Variants in SMAD5 observed in about 807,000 individuals in gnomAD.
SMAD5 encodes the protein SMAD family member 5.
SMAD5 carries 9 observed loss-of-function variants against 43.1 expected under a neutral mutation model. The ratio of observed to expected loss-of-function variants is 0.21; its 90% CI spans 0.13 to 0.36. The LOEUF (loss-of-function observed/expected upper bound fraction) is 0.36, where lower values mean the gene tolerates loss of function less well. SMAD5 is among the 10% of genes least tolerant of loss of function. The pLI is 1.00. For synonymous variants in SMAD5, 190 were observed against 192.4 expected (o/e 0.99, Z 0.10); for missense variants, 348 against 574.0 (o/e 0.61, Z 4.02).
intron 1 of SMAD5, among the ~76,000 whole-genome samples, chr5:136,135,095 A>G (rs1482799839): frequency 2.0e-5 from 3 of 152,220 alleles, no homozygotes; most frequent in African/African-American, 7.2e-5. Flanking sequence ...CGCCACAGAA[A>G]TGGGTAGATT....
chr5:136,159,490 G>A (rs377518997), intron 3 of SMAD5, among the ~76,000 whole-genome samples: 8 of 151,598 alleles, frequency 5.3e-5, no homozygotes, highest in African/African-American at 1.7e-4. Flanking sequence ...TTTAAAAATC[G>A]TGCATAGATA....
intron 7 of SMAD5, among the ~76,000 whole-genome samples, chr5:136,175,268 G>T (rs1240431296): frequency 6.6e-6 from 1 of 152,124 alleles, no homozygotes; most frequent in East Asian, 1.9e-4. Flanking sequence ...TGAGATTTGG[G>T]TGAGGACACA....
chr5:136,150,077 A>G (rs1211270318), intron 2 of SMAD5, among the ~76,000 whole-genome samples: 1 of 151,890 alleles, frequency 6.6e-6, no homozygotes, highest in African/African-American at 2.4e-5. Flanking sequence ...GTAACTCACT[A>G]TCAGGAAACT....
chr5:136,151,811 T>G (rs1753476440), intron 2 of SMAD5, among the ~76,000 whole-genome samples: 1 of 152,064 alleles, frequency 6.6e-6, no homozygotes, highest in Non-Finnish European at 1.5e-5. Context: ...TATATTTTTT[T>G]GTTTGTGTGC....
At position 136,176,846 on chromosome 5, in the gene SMAD5, T is replaced by C. The variant is rs1200917879; in HGVS notation, c.1255-491T>C. On this transcript the variant is annotated intron_variant, in intron 7 of 7. Coordinates refer to ENST00000545279, the MANE Select transcript of SMAD5 (RefSeq NM_005903.7). ...TAAGAGAAAATGGTATTTATAAATA[T>C]TTGCAGGCAGATTCTTTGGGGCTAT... is the stretch of plus-strand genomic sequence containing the variant. Among the ~76,000 whole-genome samples, 5 of 152,210 alleles carry C rather than the reference T, an allele frequency of 3.3e-5. No homozygotes were observed. In the East Asian group the frequency reaches 9.6e-4, roughly 29 times the overall value.
At position 136,181,712 on chromosome 5, in the gene SMAD5, T is replaced by C. The variant is rs1754633929; in HGVS notation, c.*4232T>C. On this transcript the variant is annotated 3_prime_UTR_variant, in exon 8 of 8. Transcript: ENST00000545279. ...GGAAAGTTCTTTGGAATTCGCTGAA[T>C]TACAGTTTAGTATGTCCTGATTACA... is the stretch of plus-strand genomic sequence containing the variant. 1 of 152,196 alleles carries C rather than the reference T, an allele frequency of 6.6e-6. No individual in the cohort carries two copies. Among genetic ancestry groups the C allele is most frequent in the Non-Finnish European group, 1.5e-5 (1 of 68,008 alleles). 9.4% of individuals were successfully genotyped at this position (152,196 alleles called of 1,614,324 possible). A position where few individuals can be genotyped will look rare whatever the true frequency, so the allele number is the denominator to read the frequency against.
chr5:136,176,518 CTATT>C (rs1754427799), intron 7 of SMAD5, among the ~76,000 whole-genome samples: 2 of 142,836 alleles, frequency 1.4e-5, no homozygotes, highest in South Asian at 4.7e-4. Context: ...TTACATGAGG[CTATT>C]TATGATTTTG....
chr5:136,164,151 G>C (rs1753916909), intron 5 of SMAD5, among the ~76,000 whole-genome samples: 1 of 152,164 alleles, frequency 6.6e-6, no homozygotes, highest in Non-Finnish European at 1.5e-5. Flanking sequence ...TGAGAGTGGA[G>C]TGCCACTGCA....
chr5:136,164,072 A>T (rs1753914993), intron 5 of SMAD5, among the ~76,000 whole-genome samples: 1 of 152,186 alleles, frequency 6.6e-6, no homozygotes, highest in Non-Finnish European at 1.5e-5. Context: ...AGATGCCTGT[A>T]ATCCCAGCTA....
intron 4 of SMAD5, 43 bp downstream of exon 4, chr5:136,161,150 A>G (rs888457320): frequency 5.3e-5 from 84 of 1,581,064 alleles, no homozygotes; most frequent in East Asian, 4.0e-4. Flanking sequence ...AAAAATTCCT[A>G]AGAATCACAG....
chr5:136,147,819 A>AT lies in SMAD5; in HGVS notation c.-244-3dup, dbSNP rs34875288. On this transcript the variant is annotated splice_polypyrimidine_tract_variant and intron_variant, in intron 1 of 7. Transcript: ENST00000545279. ...TATGATTCCTTTGCTTAAGCAATTG[A>AT]TTTTTTTTTTAGAAAGGAAGCTGTT... 47,568 of 149,872 alleles carry AT rather than the reference A, an allele frequency of 0.32. 7,973 individuals carry two copies. The highest frequency in any genetic ancestry group is 0.45 in the African/African-American group (18,529 of 41,004). The allele number at this position is 149,872 out of a possible 1,614,324, so 9.3% of individuals were successfully genotyped here.
At chr5:136,172,685 G>T (rs746964051) in intron 6 of SMAD5, 30 bp downstream of exon 6, 2 of 1,401,680 alleles carry the variant, frequency 1.4e-6, no homozygotes, top group South Asian at 2.3e-5. Context: ...ACATTTAATC[G>T]AATTCAATCA....
intron 3 of SMAD5, among the ~76,000 whole-genome samples, chr5:136,159,731 A>T (rs1753765875): frequency 6.6e-6 from 1 of 152,236 alleles, no homozygotes; most frequent in South Asian, 2.1e-4. Flanking sequence ...AAACGATTGT[A>T]GTCAGATGTT....
intron 2 of SMAD5, among the ~76,000 whole-genome samples, chr5:136,150,914 A>G (rs1271676548): frequency 6.6e-6 from 1 of 152,040 alleles, no homozygotes; most frequent in African/African-American, 2.4e-5. Flanking sequence ...TAGGCTTTGA[A>G]AAAGTGATAC....
intron 1 of SMAD5, among the ~76,000 whole-genome samples, chr5:136,144,777 C>G (rs1312238498): frequency 6.6e-6 from 1 of 151,954 alleles, no homozygotes; most frequent in Non-Finnish European, 1.5e-5. Flanking sequence ...AATGCATCTT[C>G]CCTTGACTTA....
intron 1 of SMAD5, among the ~76,000 whole-genome samples, chr5:136,141,983 T>C (rs1420160737): frequency 1.3e-5 from 2 of 152,182 alleles, no homozygotes; most frequent in African/African-American, 2.4e-5. Context: ...TCAAGAAATA[T>C]GTTTATTTTA....
intron 2 of SMAD5, among the ~76,000 whole-genome samples, chr5:136,153,388 A>G (rs974084718): frequency 1.3e-5 from 2 of 152,136 alleles, no homozygotes; most frequent in African/African-American, 2.4e-5. Flanking sequence ...TTATCATTTG[A>G]CATTGCCAGT....
intron 3 of SMAD5, among the ~76,000 whole-genome samples, chr5:136,154,861 C>G (rs377593141): frequency 6.6e-6 from 1 of 152,068 alleles, no homozygotes; most frequent in Non-Finnish European, 1.5e-5. Flanking sequence ...TACAGTTGAT[C>G]TCCTTCCATC....
chr5:136,158,275 A>G (rs905260440), intron 3 of SMAD5, among the ~76,000 whole-genome samples: 7 of 152,134 alleles, frequency 4.6e-5, no homozygotes, highest in Admixed American at 6.5e-5. Context: ...TAAAAAAAAG[A>G]TTCTGAAAAC....
Sources: allele counts gnomAD v4.1 joint callset (sites outside exome capture counted in the v4.1 genomes callset), GRCh38; gene constraint gnomAD v4.1.1; transcripts MANE v1.5; gene names NCBI Gene and HGNC (gene_info 2026-07-23, HGNC 2026-07-21).